The following VTI1A variants were observed in gnomAD, a reference collection of about 807,000 sequenced individuals.
The protein encoded by VTI1A is vesicle transport through interaction with t-SNAREs homolog 1A.
Under a neutral mutation model 34.9 loss-of-function variants are expected in VTI1A, and 22 were observed. The observed-to-expected ratio is 0.63, with a 90% CI of 0.45 to 0.90. VTI1A has a LOEUF of 0.90. Among genes scored for constraint, VTI1A ranks in the 40% least tolerant of loss-of-function variants. VTI1A has a pLI of 0.00. For synonymous variants in VTI1A, 87 were observed against 97.3 expected (o/e 0.89, Z 0.62); for missense variants, 268 against 275.6 (o/e 0.97, Z 0.20).
At chr10:112,550,365 T>A (rs1589891722) in intron 5 of VTI1A, among the ~76,000 whole-genome samples, 2 of 134,512 alleles carry the variant, frequency 1.5e-5, no homozygotes, top group African/African-American at 5.6e-5. Context: ...TTTTTTTTTT[T>A]AACAGTGTTT....
chr10:112,734,984 C>T (rs1850402779), intron 7 of VTI1A, among the ~76,000 whole-genome samples: 1 of 152,084 alleles, frequency 6.6e-6, no homozygotes, highest in Non-Finnish European at 1.5e-5. Context: ...AAGAAAAAAC[C>T]ATGGGCCTAC....
chr10:112,605,505 A>G (rs1290456800), intron 5 of VTI1A, among the ~76,000 whole-genome samples: 1 of 152,146 alleles, frequency 6.6e-6, no homozygotes, highest in African/African-American at 2.4e-5. Context: ...AATTCCATGG[A>G]TTCGCCTAAC....
intron 3 of VTI1A, among the ~76,000 whole-genome samples, chr10:112,500,127 T>C (rs192992227): frequency 3.3e-5 from 5 of 152,136 alleles, no homozygotes; most frequent in African/African-American, 1.2e-4. Flanking sequence ...CTTTTCAGTG[T>C]TTTTCATACA....
At chr10:112,616,361 G>A (rs111384038) in intron 5 of VTI1A, among the ~76,000 whole-genome samples, 25 of 152,240 alleles carry the variant, frequency 1.6e-4, no homozygotes, top group African/African-American at 4.8e-4. Flanking sequence ...AGCTAAATTC[G>A]AAACTCTTCT....
At chr10:112,730,050 G>T (rs1409385931) in intron 7 of VTI1A, among the ~76,000 whole-genome samples, 1 of 152,226 alleles carries the variant, frequency 6.6e-6, no homozygotes, top group Non-Finnish European at 1.5e-5. Flanking sequence ...CTCTGGAGCT[G>T]AATCTCACTG....
At chr10:112,753,256 C>A (rs1851167792) in intron 7 of VTI1A, among the ~76,000 whole-genome samples, 1 of 150,704 alleles carries the variant, frequency 6.6e-6, no homozygotes, top group South Asian at 2.1e-4. Context: ...AGCCAAGAAA[C>A]TTTACTCTTT....
chr10:112,841,257 C>G, the VTI1A span, among the ~76,000 whole-genome samples: 6 of 152,270 alleles, frequency 3.9e-5, no homozygotes, highest in Non-Finnish European at 8.8e-5. Context: ...GGTAGTTTCC[C>G]AAAGGGCTAA....
chr10:112,650,740 A>G (rs1487244451), intron 5 of VTI1A, among the ~76,000 whole-genome samples: 1 of 152,204 alleles, frequency 6.6e-6, no homozygotes, highest in Admixed American at 6.5e-5. Context: ...TTTTGGGGCC[A>G]CTGTCCTATA....
rs533597627 is a variant in VTI1A at position 112,597,169 on chromosome 10, G to A, written c.427+58839G>A. Among the ~76,000 whole-genome samples, 7 of 152,134 alleles carry A rather than the reference G, an allele frequency of 4.6e-5. No homozygotes were observed. In the South Asian group the frequency reaches 8.3e-4, roughly 18 times the overall value. On this transcript the variant is annotated intron_variant, in intron 5 of 7. Transcript: ENST00000393077. ...AGAGAGTCCTGACATTTCCACTTACGCTAACCTTTGGGAATTTTTGGAACC... is the reference window on the plus strand; with the variant it reads ...AGAGAGTCCTGACATTTCCACTTACACTAACCTTTGGGAATTTTTGGAACC...
At chr10:112,617,466 TAAA>T (rs1393191838) in intron 5 of VTI1A, among the ~76,000 whole-genome samples, 1 of 151,972 alleles carries the variant, frequency 6.6e-6, no homozygotes, top group Admixed American at 6.6e-5. Flanking sequence ...TTACTAAATC[TAAA>T]AAAATTATAA....
chr10:112,510,303 A>G (rs1849562520), intron 3 of VTI1A, among the ~76,000 whole-genome samples: 1 of 152,150 alleles, frequency 6.6e-6, no homozygotes, highest in Admixed American at 6.6e-5. Flanking sequence ...TCTGTTAAGC[A>G]ATCTAATTTA....
Position 112,557,020 on chromosome 10 carries a change from C to T in VTI1A, c.427+18690C>T, listed in dbSNP as rs542410976. Among the ~76,000 whole-genome samples, 26 of 152,102 alleles carry T rather than the reference C, an allele frequency of 1.7e-4. No homozygotes were observed. In the East Asian group the frequency reaches 4.4e-3, roughly 26 times the overall value. ...AAAATCTCAATATTGTTGACCGTTA[C>T]TGATATATTAATGGTTTGAATAAAA... On this transcript the variant is annotated intron_variant, in intron 5 of 7. Transcript: ENST00000393077.
intron 5 of VTI1A, among the ~76,000 whole-genome samples, chr10:112,629,707 T>G (rs758416763): frequency 5.3e-5 from 8 of 152,372 alleles, no homozygotes; most frequent in Non-Finnish European, 5.9e-5. Flanking sequence ...CAAAAGTGGC[T>G]TAAGCAGTAT....
At chr10:112,833,620 A>T in the VTI1A span, among the ~76,000 whole-genome samples, 6,297 of 152,168 alleles carry the variant, frequency 0.041, 179 homozygotes, top group African/African-American at 0.08. Context: ...CGATGCAAAT[A>T]CCTTTGCAGC....
At chr10:112,567,230 A>G (rs1325843694) in intron 5 of VTI1A, among the ~76,000 whole-genome samples, 1 of 151,854 alleles carries the variant, frequency 6.6e-6, no homozygotes, top group Non-Finnish European at 1.5e-5. Flanking sequence ...AGTTCTCGCC[A>G]TGTTGCCCAG....
intron 4 of VTI1A, among the ~76,000 whole-genome samples, chr10:112,528,503 G>GAA (rs57539061): frequency 4.1e-5 from 6 of 147,906 alleles, no homozygotes; most frequent in Non-Finnish European, 6.0e-5. Flanking sequence ...ATAGCTAAAG[G>GAA]AAAAAAAAAA....
chr10:112,602,817 G>T (rs1035020012), intron 5 of VTI1A, among the ~76,000 whole-genome samples: 1 of 152,112 alleles, frequency 6.6e-6, no homozygotes, highest in South Asian at 2.1e-4. Flanking sequence ...ACACTTATTT[G>T]GGTGATTTTT....
At chr10:112,776,151 C>T (rs1851950049) in intron 7 of VTI1A, among the ~76,000 whole-genome samples, 1 of 152,190 alleles carries the variant, frequency 6.6e-6, no homozygotes, top group South Asian at 2.1e-4. Flanking sequence ...TTGCTGCAGC[C>T]TGCATTCACT....
intron 3 of VTI1A, among the ~76,000 whole-genome samples, chr10:112,495,196 C>CTTTTTTTTTT (rs751870581): frequency 1.3e-5 from 1 of 79,054 alleles, no homozygotes; most frequent in Non-Finnish European, 2.5e-5. Context: ...CAGTAATGGT[C>CTTTTTTTTTT]TTTTTTTTTT....
Sources: allele counts gnomAD v4.1 joint callset (sites outside exome capture counted in the v4.1 genomes callset), GRCh38; gene constraint gnomAD v4.1.1; transcripts MANE v1.5; gene names NCBI Gene and HGNC (gene_info 2026-07-23, HGNC 2026-07-21).